The following GPC3 variants were observed in gnomAD, a reference collection of about 807,000 sequenced individuals.
GPC3 encodes the protein glypican 3.
Under a neutral mutation model 34.4 loss-of-function variants are expected in GPC3, and 3 were observed. The ratio of observed to expected loss-of-function variants is 0.09; its 90% CI spans 0.04 to 0.23. The LOEUF (loss-of-function observed/expected upper bound fraction) is 0.23. Among genes scored for constraint, GPC3 ranks in the 10% least tolerant of loss-of-function variants. GPC3 has a pLI of 1.00. For synonymous variants in GPC3, 177 were observed against 174.0 expected, an observed-to-expected ratio of 1.02 and a Z score of -0.13; for missense variants, 351 against 445.6, an observed-to-expected ratio of 0.79 and a Z score of 1.91.
intron 1 of GPC3, among the ~76,000 whole-genome samples, chrX:133,956,746 C>T (rs2076418328): frequency 9.0e-6 from 1 of 111,727 alleles, no homozygotes; most frequent in South Asian, 3.8e-4. Flanking sequence ...TGGTCCTATT[C>T]CCACCAGCTC....
intron 6 of GPC3, among the ~76,000 whole-genome samples, chrX:133,600,054 C>T (rs763412546): frequency 1.1e-4 from 12 of 111,515 alleles, no homozygotes; most frequent in East Asian, 2.8e-4. Flanking sequence ...GTATGCAATC[C>T]GGTATTTGAA....
intron 2 of GPC3, among the ~76,000 whole-genome samples, chrX:133,768,376 T>G (rs2071873891): frequency 9.0e-6 from 1 of 111,468 alleles, no homozygotes; most frequent in Non-Finnish European, 1.9e-5. Context: ...ACATTGCCTT[T>G]GCTTAAAAAG....
intron 1 of GPC3, among the ~76,000 whole-genome samples, chrX:133,967,777 C>T (rs1267796484): frequency 9.0e-6 from 1 of 111,653 alleles, no homozygotes; most frequent in Non-Finnish European, 1.9e-5. Flanking sequence ...TACAGGTGCA[C>T]AGCACCCTGC....
At chrX:133,762,166 C>T (rs774591952) in intron 2 of GPC3, among the ~76,000 whole-genome samples, 1 of 112,059 alleles carries the variant, frequency 8.9e-6, no homozygotes, top group African/African-American at 3.2e-5. Context: ...ACAATGTTTT[C>T]TCACAAGTAT....
intron 5 of GPC3, among the ~76,000 whole-genome samples, chrX:133,682,540 A>G (rs1208461894): frequency 8.9e-6 from 1 of 112,023 alleles, no homozygotes; most frequent in Non-Finnish European, 1.9e-5. Flanking sequence ...TTAAGTGCCT[A>G]TGTGCCAGAA....
chrX:133,855,540 T>TATAG (rs2075896947), intron 2 of GPC3, among the ~76,000 whole-genome samples: 1 of 105,245 alleles, frequency 9.5e-6, no homozygotes, highest in African/African-American at 3.5e-5. Flanking sequence ...GATATATATA[T>TATAG]ATATATATAG....
chrX:133,979,177 A>G (rs1370163164), intron 1 of GPC3, among the ~76,000 whole-genome samples: 1 of 111,943 alleles, frequency 8.9e-6, no homozygotes, highest in African/African-American at 3.2e-5. Context: ...TCAATTATTT[A>G]TCAACATAAG....
chrX:133,685,116 A>C (rs1667891988), intron 5 of GPC3, among the ~76,000 whole-genome samples: 1 of 111,835 alleles, frequency 8.9e-6, no homozygotes, highest in African/African-American at 3.3e-5. Flanking sequence ...TAAAGAAAAG[A>C]AAGAACTGTG....
intron 7 of GPC3, among the ~76,000 whole-genome samples, chrX:133,591,471 G>A (rs1271602238): frequency 2.7e-5 from 3 of 111,494 alleles, no homozygotes; most frequent in Non-Finnish European, 5.6e-5. Flanking sequence ...TTTAAAGGGG[G>A]GCCCAAGGAA....
chrX:133,802,952 C>A (rs2075617391), intron 2 of GPC3, among the ~76,000 whole-genome samples: 1 of 88,611 alleles, frequency 1.1e-5, no homozygotes, highest in Non-Finnish European at 2.1e-5. Flanking sequence ...CAGAGTTTCA[C>A]TCTTGTTGCC....
chrX:133,897,119 G>A (rs1040252504), intron 2 of GPC3, among the ~76,000 whole-genome samples: 2 of 108,356 alleles, frequency 1.8e-5, no homozygotes, highest in Non-Finnish European at 3.8e-5. Flanking sequence ...TGTTAGCCAG[G>A]ATGGTCTCGA....
chrX:133,658,703 G>GT (rs1339661621), intron 6 of GPC3, among the ~76,000 whole-genome samples: 1 of 112,242 alleles, frequency 8.9e-6, no homozygotes, highest in Non-Finnish European at 1.9e-5. Context: ...GGTAAAACTG[G>GT]TTTATCAATG....
chrX:133,765,928 T>C (rs2071840307), intron 2 of GPC3, among the ~76,000 whole-genome samples: 1 of 111,811 alleles, frequency 8.9e-6, no homozygotes, highest in Non-Finnish European at 1.9e-5. Flanking sequence ...CCTTAGTCAT[T>C]CATATACTTA....
intron 2 of GPC3, among the ~76,000 whole-genome samples, chrX:133,804,479 CT>C (rs928587696): frequency 4.5e-4 from 48 of 106,141 alleles, no homozygotes; most frequent in African/African-American, 1.1e-3. Flanking sequence ...CAGCCCTGAC[CT>C]TTTTTTTTTG....
At chrX:133,648,599 A>C (rs953180827) in intron 6 of GPC3, among the ~76,000 whole-genome samples, 1 of 111,744 alleles carries the variant, frequency 8.9e-6, no homozygotes, top group African/African-American at 3.3e-5. Flanking sequence ...CAAGCCCTTC[A>C]TGGGCTCTGC....
intron 3 of GPC3, among the ~76,000 whole-genome samples, chrX:133,712,969 T>A (rs1335100865): frequency 8.9e-6 from 1 of 112,263 alleles, no homozygotes; most frequent in Non-Finnish European, 1.9e-5. Flanking sequence ...GAAGAAATCA[T>A]GCCACTCTCC....
At chrX:133,746,129 G>C (rs1208966701) in intron 3 of GPC3, among the ~76,000 whole-genome samples, 3 of 112,196 alleles carry the variant, frequency 2.7e-5, no homozygotes, top group African/African-American at 9.7e-5. Context: ...ATTGCTGTAA[G>C]CAATAAACTG....
intron 2 of GPC3, among the ~76,000 whole-genome samples, chrX:133,934,899 C>T (rs925281411): frequency 2.1e-4 from 23 of 110,592 alleles, no homozygotes; most frequent in Middle Eastern, 4.6e-3. Flanking sequence ...CGCAACTAGA[C>T]GGGGCTGAAA....
chrX:133,612,357 T>C (rs775448445), intron 6 of GPC3, among the ~76,000 whole-genome samples: 1 of 112,547 alleles, frequency 8.9e-6, no homozygotes, highest in South Asian at 3.7e-4. Flanking sequence ...ATTCACTGTA[T>C]TGCTTTGTAA....
Sources: gnomAD v4.1 joint callset for allele counts (sites outside exome capture counted in the v4.1 genomes callset) on GRCh38, gnomAD v4.1.1 for gene constraint, MANE v1.5 for transcripts, NCBI Gene and HGNC (gene_info 2026-07-23, HGNC 2026-07-21) for gene names.